ITSN2: variants seen among roughly 807,000 people sequenced by gnomAD.
The protein encoded by ITSN2 is intersectin-2.
A neutral mutation model predicts 243.7 loss-of-function variants in ITSN2; 156 were observed. That is an observed-to-expected ratio of 0.64 (90% CI 0.56 to 0.73). The LOEUF (loss-of-function observed/expected upper bound fraction) is 0.73. ITSN2 is among the 30% of genes least tolerant of loss of function. ITSN2 has a pLI of 0.00. For missense variants in ITSN2, 1,801 were observed against 1,996.1 expected, an observed-to-expected ratio of 0.90 and a Z score of 1.86; for synonymous variants, 703 against 699.9, an observed-to-expected ratio of 1.00 and a Z score of -0.07.
chr2:24,341,635 T>C (rs997072737), intron 1 of ITSN2, among the ~76,000 whole-genome samples: 3 of 152,010 alleles, frequency 2.0e-5, no homozygotes, highest in Admixed American at 6.6e-5. Flanking sequence ...TCCAAGCACT[T>C]TGGGAGGCTG....
intron 1 of ITSN2, among the ~76,000 whole-genome samples, chr2:24,328,649 G>C (rs1685432531): frequency 6.6e-6 from 1 of 152,058 alleles, no homozygotes; most frequent in Non-Finnish European, 1.5e-5. Context: ...TTTTAGTAGG[G>C]ACAGGGTTTT....
rs1296696987 is a variant in ITSN2 at position 24,203,513 on chromosome 2, G to A, written c.*113C>T. 6.5e-6 allele frequency: 7 copies of A among 1,076,738 alleles called. No homozygotes were observed. The East Asian group carries it at 1.8e-4, about 28-fold the overall frequency. 66.7% of individuals were successfully genotyped at this position (1,076,738 alleles called of 1,614,324 possible). A position where few individuals can be genotyped will look rare whatever the true frequency, so the allele number is the denominator to read the frequency against. Reference sequence around the variant, plus strand: ...GAAAACAGAGCCCCCAGCGTGCATGGCTTTGTGAGGGGTGAAGCTGCATGG... The same window carrying A: ...GAAAACAGAGCCCCCAGCGTGCATGACTTTGTGAGGGGTGAAGCTGCATGG... On this transcript the variant is annotated 3_prime_UTR_variant, in exon 40 of 40. Coordinates refer to ENST00000355123, the MANE Select transcript of ITSN2 (RefSeq NM_006277.3).
rs564020237 is a variant in ITSN2 at position 24,319,545 on chromosome 2, C to A, written c.32-4321G>T. On this transcript the variant is annotated intron_variant, in intron 2 of 39. Coordinates refer to ENST00000355123, the MANE Select transcript of ITSN2 (RefSeq NM_006277.3). ...TCACTTCCAGAGGTCTTCCCCCACC[C>A]CCAATCTCAGTAATGGATGAATTCC... is the stretch of plus-strand genomic sequence containing the variant. Among the ~76,000 whole-genome samples, 5 of 152,272 alleles carry A rather than the reference C, an allele frequency of 3.3e-5. No individual in the cohort carries two copies. In the South Asian group the frequency reaches 1.0e-3, roughly 32 times the overall value.
rs563884406 is a variant in ITSN2, at chr2:24,213,246, CT to C, written c.3991-499del. ...CCTTTCCATGACCCTCCCTGGCCAC[CT>C]TTAGCATACACCACATGTGCACCAG... On this transcript the variant is annotated intron_variant, in intron 32 of 39. Coordinates refer to ENST00000355123, the MANE Select transcript of ITSN2 (RefSeq NM_006277.3). Among the ~76,000 whole-genome samples, 244 of 152,276 alleles carry C rather than the reference CT, an allele frequency of 1.6e-3. 3 individuals carry two copies. The highest frequency in any genetic ancestry group is 0.013 in the Admixed American group (206 of 15,300).
At chr2:24,206,579 TG>T (rs899193161) in intron 37 of ITSN2, among the ~76,000 whole-genome samples, 2 of 116,128 alleles carry the variant, frequency 1.7e-5, no homozygotes, top group Non-Finnish European at 3.6e-5. Context: ...CAGGGTGGGG[TG>T]GGGGGTGCTT....
chr2:24,219,907 T>C (rs999525406), intron 30 of ITSN2, among the ~76,000 whole-genome samples: 3 of 152,106 alleles, frequency 2.0e-5, no homozygotes, highest in African/African-American at 7.2e-5. Flanking sequence ...TGACTACTTA[T>C]GGAAAGGCCG....
chr2:24,329,599 G>A (rs763193602), intron 1 of ITSN2, among the ~76,000 whole-genome samples: 1 of 152,136 alleles, frequency 6.6e-6, no homozygotes, highest in East Asian at 1.9e-4. Flanking sequence ...GGACCAGTTA[G>A]GAAGTGAAGG....
intron 24 of ITSN2, 67 bp from the exon 25 acceptor site, chr2:24,252,578 G>T: frequency 8.3e-7 from 1 of 1,202,332 alleles, no homozygotes; most frequent in Non-Finnish European, 1.2e-6. Context: ...AAAGAAATTA[G>T]GTTATTCTCC....
chr2:24,304,450 T>C (rs1390428995), intron 8 of ITSN2, among the ~76,000 whole-genome samples: 1 of 152,264 alleles, frequency 6.6e-6, no homozygotes, highest in Non-Finnish European at 1.5e-5. Flanking sequence ...AACATGCAGC[T>C]AAATGTTTAT....
chr2:24,214,101 C>G (rs917952390), intron 32 of ITSN2, among the ~76,000 whole-genome samples: 1 of 152,174 alleles, frequency 6.6e-6, no homozygotes. Context: ...GATTCTGAAG[C>G]CTGTCTTGTT....
At chr2:24,327,773 TCTG>T (rs1007402944) in intron 2 of ITSN2, among the ~76,000 whole-genome samples, 1 of 152,210 alleles carries the variant, frequency 6.6e-6, no homozygotes, top group African/African-American at 2.4e-5. Flanking sequence ...CTTATAGCAC[TCTG>T]CTATTTGTCA....
chr2:24,207,428 C>T (rs1669009438), intron 37 of ITSN2, among the ~76,000 whole-genome samples: 1 of 152,032 alleles, frequency 6.6e-6, no homozygotes, highest in African/African-American at 2.4e-5. Flanking sequence ...TTGGGAAAAG[C>T]CGATGTGTGA....
intron 1 of ITSN2, among the ~76,000 whole-genome samples, chr2:24,349,907 T>C (rs776438826): frequency 6.6e-6 from 1 of 152,216 alleles, no homozygotes; most frequent in Admixed American, 6.5e-5. Context: ...CACAGCCAAT[T>C]TGAGACAACA....
intron 2 of ITSN2, among the ~76,000 whole-genome samples, chr2:24,326,101 T>C (rs1450855222): frequency 2.0e-5 from 3 of 152,190 alleles, no homozygotes; most frequent in Admixed American, 6.5e-5. Flanking sequence ...AAACCCTGAA[T>C]TGAACTTAAA....
intron 1 of ITSN2, among the ~76,000 whole-genome samples, chr2:24,356,501 A>AAC: frequency 6.6e-6 from 1 of 150,420 alleles, no homozygotes; most frequent in East Asian, 2.0e-4. Flanking sequence ...GAAAAAAAAA[A>AAC]CCCCACCAAA....
chr2:24,336,248 A>G (rs1686365586), intron 1 of ITSN2, among the ~76,000 whole-genome samples: 1 of 151,698 alleles, frequency 6.6e-6, no homozygotes, highest in Non-Finnish European at 1.5e-5. Context: ...TCTCAAAAAA[A>G]AAAAAAAAAA....
chr2:24,351,212 C>T (rs1353183610), intron 1 of ITSN2, among the ~76,000 whole-genome samples: 1 of 152,090 alleles, frequency 6.6e-6, no homozygotes, highest in Admixed American at 6.6e-5. Context: ...TTGCCACAGT[C>T]CCATTTTGTC....
intron 29 of ITSN2, among the ~76,000 whole-genome samples, chr2:24,227,288 T>TAAAAA (rs55652738): frequency 8.7e-6 from 1 of 114,804 alleles, no homozygotes; most frequent in Non-Finnish European, 1.8e-5. Flanking sequence ...GAGCTCAAAG[T>TAAAAA]AAAAAAAAAA....
In ITSN2 at chr2:24,252,574, A is replaced by AT; in HGVS notation, c.2954-64dup. 7 of 1,246,692 alleles carry AT rather than the reference A, an allele frequency of 5.6e-6. 1 individual carries two copies. The South Asian group carries it at 1.0e-4, about 18-fold the overall frequency. The allele number at this position is 1,246,692 out of a possible 1,614,324, so 77.2% of individuals were successfully genotyped here. A position where few individuals can be genotyped will look rare whatever the true frequency, so the allele number is the denominator to read the frequency against. On this transcript the variant is annotated intron_variant, in intron 24 of 39. Transcript: ENST00000355123. The stretch of plus-strand genomic sequence containing the variant: ...TTAAGATTACAGAAGTGAAAAAGAA[A>AT]TTAGGTTATTCTCCAAGACATTGTA...
Sources: gnomAD v4.1 joint callset for allele counts (sites outside exome capture counted in the v4.1 genomes callset) on GRCh38, gnomAD v4.1.1 for gene constraint, MANE v1.5 for transcripts, NCBI Gene and HGNC (gene_info 2026-07-23, HGNC 2026-07-21) for gene names.